Variants in CCDC102B observed in about 807,000 individuals in gnomAD.
CCDC102B encodes coiled-coil domain containing 102B.
A neutral mutation model predicts 57.4 loss-of-function variants in CCDC102B; 75 were observed. The ratio of observed to expected loss-of-function variants is 1.31; its 90% CI spans 1.08 to 1.58. CCDC102B has a LOEUF of 1.58. CCDC102B is among the 40% of genes most tolerant of loss of function. CCDC102B has a pLI of 0.00. For synonymous variants in CCDC102B, 206 were observed against 201.9 expected (o/e 1.02, Z -0.17); for missense variants, 636 against 582.6 (o/e 1.09, Z -0.94).
At chr18:68,927,359 A>T (rs919365988) in intron 6 of CCDC102B, among the ~76,000 whole-genome samples, 1 of 152,148 alleles carries the variant, frequency 6.6e-6, no homozygotes, top group South Asian at 2.1e-4. Flanking sequence ...TCTTGTGAGC[A>T]GCTACAATGC....
intron 6 of CCDC102B, among the ~76,000 whole-genome samples, chr18:68,975,043 G>C (rs774153168): frequency 6.6e-6 from 1 of 151,838 alleles, no homozygotes; most frequent in Non-Finnish European, 1.5e-5. Context: ...AGAATCGTAA[G>C]ACTCACATCT....
intron 6 of CCDC102B, among the ~76,000 whole-genome samples, chr18:68,949,596 G>A (rs1188882863): frequency 6.6e-6 from 1 of 152,008 alleles, no homozygotes; most frequent in African/African-American, 2.4e-5. Context: ...TGGTTGCATC[G>A]TTGTCATCTT....
At chr18:68,753,474 G>A (rs190445249) in intron 2 of CCDC102B, 1 of 152,136 alleles carries the variant, frequency 6.6e-6, no homozygotes, top group African/African-American at 2.4e-5. Context: ...CCACTCATAT[G>A]AACACACACC....
In CCDC102B at chr18:68,801,240, C is replaced by T. The variant is rs575848846; in HGVS notation, c.-16+3059C>T. ...TTCTAAGAATATATTCTATAGAAGA[C>T]ATTTTGTATAACTAGTGCTCCATCC... is the stretch of plus-strand genomic sequence containing the variant. On this transcript the variant is annotated intron_variant, in intron 1 of 7. Transcript: ENST00000360242. Among the ~76,000 whole-genome samples, 76 of 152,160 alleles carry T rather than the reference C, an allele frequency of 5.0e-4. 1 individual carries two copies. Among genetic ancestry groups the T allele is most frequent in the Non-Finnish European group, 9.9e-4 (67 of 67,984 alleles).
intron 7 of CCDC102B, among the ~76,000 whole-genome samples, chr18:69,028,996 A>G (rs2052065865): frequency 6.6e-6 from 1 of 152,094 alleles, no homozygotes; most frequent in Non-Finnish European, 1.5e-5. Flanking sequence ...AAATTTGGGG[A>G]AAATTGGAAC....
chr18:69,014,452 A>G (rs1438683528), intron 7 of CCDC102B, among the ~76,000 whole-genome samples: 2 of 152,180 alleles, frequency 1.3e-5, no homozygotes, highest in Non-Finnish European at 2.9e-5. Flanking sequence ...AAATACAGGA[A>G]TATTTTCCAT....
intron 1 of CCDC102B, among the ~76,000 whole-genome samples, chr18:68,812,185 C>T (rs995643160): frequency 2.0e-5 from 3 of 151,854 alleles, no homozygotes; most frequent in African/African-American, 7.2e-5. Flanking sequence ...TTTCATATTT[C>T]CCTTAGGAGG....
At chr18:68,991,367 G>C (rs1228912372) in intron 6 of CCDC102B, among the ~76,000 whole-genome samples, 1 of 152,288 alleles carries the variant, frequency 6.6e-6, no homozygotes, top group East Asian at 1.9e-4. Context: ...GCAACAAAAA[G>C]CATTTTCCCT....
intron 6 of CCDC102B, among the ~76,000 whole-genome samples, chr18:68,909,821 G>A (rs2040776867): frequency 6.6e-6 from 1 of 152,144 alleles, no homozygotes; most frequent in Non-Finnish European, 1.5e-5. Context: ...TAGATTTCAT[G>A]TGATTAAAAG....
At chr18:68,985,464 A>G (rs899922946) in intron 6 of CCDC102B, among the ~76,000 whole-genome samples, 1 of 152,158 alleles carries the variant, frequency 6.6e-6, no homozygotes, top group Non-Finnish European at 1.5e-5. Flanking sequence ...GGTATTTAAT[A>G]GATGCAATTG....
chr18:69,000,167 T>A (rs1443335799), intron 6 of CCDC102B, among the ~76,000 whole-genome samples: 1 of 152,148 alleles, frequency 6.6e-6, no homozygotes, highest in East Asian at 1.9e-4. Context: ...ATAATAGTAA[T>A]TAGCTATGTA....
chr18:68,723,321 C>A (rs189249932), intron 2 of CCDC102B, among the ~76,000 whole-genome samples: 8 of 152,198 alleles, frequency 5.3e-5, no homozygotes, highest in African/African-American at 1.7e-4. Context: ...TGCCCCTTGC[C>A]CCTCCCAAAT....
intron 2 of CCDC102B, among the ~76,000 whole-genome samples, chr18:68,756,620 A>G (rs1240843458): frequency 6.6e-6 from 1 of 152,152 alleles, no homozygotes; most frequent in Non-Finnish European, 1.5e-5. Context: ...TTATGTCTAA[A>G]TGGCTCTGCT....
intron 6 of CCDC102B, among the ~76,000 whole-genome samples, chr18:68,910,063 AGG>A (rs1357332878): frequency 1.2e-4 from 19 of 152,106 alleles, no homozygotes; most frequent in African/African-American, 4.1e-4. Flanking sequence ...GATGAGGAGG[AGG>A]ATCATTTGAG....
chr18:68,919,431 A>G (rs1483420800), intron 6 of CCDC102B, among the ~76,000 whole-genome samples: 3 of 152,292 alleles, frequency 2.0e-5, no homozygotes, highest in East Asian at 3.9e-4. Context: ...GAACTAAAAA[A>G]CATTGGTTTC....
Position 68,837,039 on chromosome 18 carries a change from G to C in CCDC102B, c.276G>C (p.Met92Ile), listed in dbSNP as rs2037411085. Residue 92 changes from methionine (M) to isoleucine (I), a missense_variant, in exon 2 of 8, where the codon ATG (methionine) becomes ATC (isoleucine). By Grantham distance (10) the Met-to-Ile change is conservative. Transcript: ENST00000360242. ...GAGCTGCTCAGATGGAAAAGACCAT[G>C]CGGTGGTGGTCGGACTGCACTGCCA... ...KARAAQMEKTMRWWSDCTANW... is the reference protein window; with the variant it reads ...KARAAQMEKTIRWWSDCTANW... 6.2e-7 allele frequency: 1 copy of C among 1,614,080 alleles called. No homozygotes were observed. Among genetic ancestry groups the C allele is most frequent in the African/African-American group, 1.3e-5 (1 of 74,930 alleles).
chr18:68,719,120 C>T (rs973053729), intron 2 of CCDC102B, among the ~76,000 whole-genome samples: 4 of 151,926 alleles, frequency 2.6e-5, no homozygotes, highest in African/African-American at 9.7e-5. Flanking sequence ...AAAACTAAAA[C>T]GACTTAATAA....
chr18:69,015,527 G>A (rs2051641071), intron 7 of CCDC102B, among the ~76,000 whole-genome samples: 1 of 152,128 alleles, frequency 6.6e-6, no homozygotes, highest in African/African-American at 2.4e-5. Context: ...TTTAATAGTA[G>A]CAAATTCTTC....
intron 6 of CCDC102B, among the ~76,000 whole-genome samples, chr18:68,950,497 G>T (rs1378558682): frequency 6.6e-6 from 1 of 152,004 alleles, no homozygotes; most frequent in Non-Finnish European, 1.5e-5. Context: ...TTAAATCCTA[G>T]AATTTTAAAA....
Sources: gnomAD v4.1 joint callset for allele counts (sites outside exome capture counted in the v4.1 genomes callset) on GRCh38, gnomAD v4.1.1 for gene constraint, MANE v1.5 for transcripts, NCBI Gene and HGNC (gene_info 2026-07-23, HGNC 2026-07-21) for gene names.